The following KCTD21 variants were observed in gnomAD, a reference collection of about 807,000 sequenced individuals.
KCTD21 encodes the protein potassium channel tetramerization domain containing 21, also known as BTB/POZ domain-containing protein KCTD21.
In KCTD21, 9 loss-of-function variants were observed where a neutral mutation model predicts 13.2. The observed-to-expected ratio is 0.68, with a 90% CI of 0.41 to 1.19. The LOEUF is 1.19. KCTD21 is among the 50% of genes most tolerant of loss of function. KCTD21 has a pLI of 0.01. For synonymous variants in KCTD21, 142 were observed against 137.4 expected (o/e 1.03, Z -0.23); for missense variants, 303 against 336.5 (o/e 0.90, Z 0.78).
At position 78,174,028 on chromosome 11, in the gene KCTD21, CT is replaced by C. The variant is rs1862365127; in HGVS notation, c.526del (p.Ser176AlafsTer9). On this transcript the variant is annotated frameshift_variant, in exon 2 of 2. Transcript: ENST00000340067. LOFTEE classifies it high-confidence loss of function. Reference sequence around the variant, plus strand: ...CAGGTGGTTGGGGTCCTGCAAGTGGCTGGTGATGGAGGAGAGATTGCCATTG... The same window carrying C: ...CAGGTGGTTGGGGTCCTGCAAGTGGCGGTGATGGAGGAGAGATTGCCATTG... ...CSNGNLSSIT[S>X]HLQDPNHLTL... The C allele has an allele frequency of 1.9e-6, 3 of 1,614,026 alleles. No individual in the cohort carries two copies. The highest frequency in any genetic ancestry group is 3.3e-5 in the Admixed American group (2 of 60,000).
chr11:78,184,218 C>T (rs1277103740), intron 1 of KCTD21, among the ~76,000 whole-genome samples: 3 of 152,234 alleles, frequency 2.0e-5, no homozygotes, highest in Non-Finnish European at 4.4e-5. Flanking sequence ...AAGACCCTGA[C>T]ATCATATCCT....
chr11:78,182,533 A>C (rs1455216666), intron 1 of KCTD21, among the ~76,000 whole-genome samples: 3 of 152,216 alleles, frequency 2.0e-5, no homozygotes, highest in African/African-American at 7.2e-5. Flanking sequence ...TTTGGTAATA[A>C]ATGTGAAGAG....
At chr11:78,176,126 A>T (rs1862445413) in intron 1 of KCTD21, 2 of 152,118 alleles carry the variant, frequency 1.3e-5, no homozygotes, top group African/African-American at 4.8e-5. Flanking sequence ...TTCTTAATCC[A>T]GTCTATCATT....
intron 1 of KCTD21, among the ~76,000 whole-genome samples, chr11:78,184,112 A>T (rs749636785): frequency 1.2e-4 from 18 of 152,220 alleles, no homozygotes; most frequent in Non-Finnish European, 2.5e-4. Flanking sequence ...CACTTCACAG[A>T]TTACTTATTA....
intron 1 of KCTD21, among the ~76,000 whole-genome samples, chr11:78,180,166 A>G (rs1862574442): frequency 6.6e-6 from 1 of 152,238 alleles, no homozygotes; most frequent in Admixed American, 6.5e-5. Flanking sequence ...GATAGGACCT[A>G]AAAGGGACAA....
chr11:78,174,115 T>A lies in KCTD21; in HGVS notation c.440A>T (p.Asn147Ile). The change falls in exon 2 of 2, where the codon AAC becomes ATC. Residue 147 changes from asparagine to isoleucine, a missense_variant. By Grantham distance (149) the Asn-to-Ile change is moderately radical (BLOSUM62 -3). Coordinates refer to ENST00000340067, the MANE Select transcript of KCTD21 (RefSeq NM_001029859.3). Reference sequence around the variant, plus strand: ...GAAGAGGCAGGAGGTGCTGAAGATGTTGGCGTTGAAGACCTCCATGCTGGA... The same window carrying A: ...GAAGAGGCAGGAGGTGCTGAAGATGATGGCGTTGAAGACCTCCATGCTGGA... ...SSSSMEVFNA[N>I]IFSTSCLFLK... 4 of 1,614,130 alleles carry A rather than the reference T, an allele frequency of 2.5e-6. No homozygotes were observed. The highest frequency in any genetic ancestry group is 1.6e-4 in the Middle Eastern group (1 of 6,062).
In KCTD21 at chr11:78,174,470, G is replaced by C. The variant is rs1862385853; in HGVS notation, c.85C>G (p.Leu29Val). The C allele has an allele frequency of 6.2e-7, 1 of 1,614,144 alleles. No individual in the cohort carries two copies. Among genetic ancestry groups the C allele is most frequent in the Non-Finnish European group, 8.5e-7 (1 of 1,180,018 alleles). Reference sequence around the variant, plus strand: ...ATCTTCCCGCTGAACATGGCGCCTAGCATGGAGTCAGGGAAGCTGGTCAGG... The same window carrying C: ...ATCTTCCCGCTGAACATGGCGCCTACCATGGAGTCAGGGAAGCTGGTCAGG... The part of the protein sequence containing the change: ...ATLTSFPDSM[L>V]GAMFSGKMPT... Residue 29 changes from leucine to valine, a missense_variant, in exon 2 of 2, where the codon CTA becomes GTA. Transcript: ENST00000340067.
intron 1 of KCTD21, among the ~76,000 whole-genome samples, chr11:78,183,373 T>C (rs1164184742): frequency 6.6e-6 from 1 of 151,884 alleles, no homozygotes; most frequent in African/African-American, 2.4e-5. Context: ...CCATCTCTAC[T>C]AAAAATACAA....
At position 78,188,349 on chromosome 11, in the gene KCTD21, G is replaced by A. The variant is rs535810510; in HGVS notation, c.-30+224C>T. On this transcript the variant is annotated intron_variant, in intron 1 of 1. Transcript: ENST00000340067. ...TTTCCGACTATCACCATCCGCCCTT[G>A]CTCTCCCAACAGCCCCGCCCCTCTA... is the stretch of plus-strand genomic sequence containing the variant. 507 of 984,360 alleles carry A rather than the reference G, an allele frequency of 5.2e-4. 2 individuals are homozygous for A. In the African/African-American group the frequency reaches 8.3e-3, roughly 16 times the overall value. The allele number at this position is 984,360 out of a possible 1,614,324, so 61.0% of individuals were successfully genotyped here. A position where few individuals can be genotyped will look rare whatever the true frequency, so the allele number is the denominator to read the frequency against.
At chr11:78,181,060 T>A (rs1393389992) in intron 1 of KCTD21, among the ~76,000 whole-genome samples, 4 of 152,224 alleles carry the variant, frequency 2.6e-5, no homozygotes, top group African/African-American at 9.6e-5. Context: ...CGTGAGTCAA[T>A]TAAACCTCTT....
chr11:78,185,884 G>A (rs1035291689), intron 1 of KCTD21, among the ~76,000 whole-genome samples: 3 of 151,600 alleles, frequency 2.0e-5, no homozygotes, highest in Non-Finnish European at 4.4e-5. Context: ...GAGCCACCGC[G>A]CCCGGCCAGG....
intron 1 of KCTD21, among the ~76,000 whole-genome samples, chr11:78,179,931 C>T (rs1205131667): frequency 6.6e-6 from 1 of 152,230 alleles, no homozygotes; most frequent in African/African-American, 2.4e-5. Flanking sequence ...CAGCACCCAG[C>T]ATTCCACCTG....
chr11:78,186,641 TTCAATC>T (rs1862783797), intron 1 of KCTD21: 1 of 942,042 alleles, frequency 1.1e-6, no homozygotes. Context: ...GTTAATCTCT[TTCAATC>T]TCACAGATTA....
intron 1 of KCTD21, among the ~76,000 whole-genome samples, chr11:78,186,258 C>A (rs1862759727): frequency 6.6e-6 from 1 of 150,892 alleles, no homozygotes; most frequent in Non-Finnish European, 1.5e-5. Flanking sequence ...TGCTTGCAGT[C>A]CCAGCTGCAC....
rs1301155436 is a variant in KCTD21, at chr11:78,172,827, AAGGTGATCACTTGC to A, written c.*931_*944del. ...ATCAGCCAAGGTATGCAAGCAGGCC[AAGGTGATCACTTGC>A]AGGTACCCAGGGAGAGGCGCTCATC... On this transcript the variant is annotated 3_prime_UTR_variant, in exon 2 of 2. Transcript: ENST00000340067. 1.3e-5 allele frequency: 2 copies of A among 152,588 alleles called. No homozygotes were observed. Among genetic ancestry groups the A allele is most frequent in the Non-Finnish European group, 2.9e-5 (2 of 68,066 alleles). 9.5% of individuals were successfully genotyped at this position (152,588 alleles called of 1,614,324 possible).
intron 1 of KCTD21, among the ~76,000 whole-genome samples, chr11:78,179,885 T>G (rs1862564471): frequency 6.6e-6 from 1 of 152,160 alleles, no homozygotes; most frequent in Non-Finnish European, 1.5e-5. Context: ...AGCTCTCCTC[T>G]CAGGGCTTCC....
chr11:78,187,185 A>T, intron 1 of KCTD21: 20 of 985,388 alleles, frequency 2.0e-5, no homozygotes, highest in Non-Finnish European at 2.4e-5. Flanking sequence ...GTTTTCCAGT[A>T]AGTGGGAGAC....
chr11:78,173,713 A>G lies in KCTD21; in HGVS notation c.*59T>C, dbSNP rs2136988048. On this transcript the variant is annotated 3_prime_UTR_variant, in exon 2 of 2. Coordinates refer to ENST00000340067, the MANE Select transcript of KCTD21 (RefSeq NM_001029859.3). ...TCGCACCACTGGCGAGATGCCCTCC[A>G]AGACCTGGCTGACATGAGCTTCCTG... is the stretch of plus-strand genomic sequence containing the variant. 3.4e-6 allele frequency: 5 copies of G among 1,468,676 alleles called. No homozygotes were observed. The East Asian group carries it at 1.1e-4, about 33-fold the overall frequency. The allele number at this position is 1,468,676 out of a possible 1,614,324, so 91.0% of individuals were successfully genotyped here. A position where few individuals can be genotyped will look rare whatever the true frequency, so the allele number is the denominator to read the frequency against.
At chr11:78,186,615 T>G (rs1862782795) in intron 1 of KCTD21, 4 of 778,514 alleles carry the variant, frequency 5.1e-6, no homozygotes, top group Non-Finnish European at 6.2e-6. Flanking sequence ...ACTACCGTGC[T>G]AGGCACTCTA....
Sources: gnomAD v4.1 joint callset for allele counts (sites outside exome capture counted in the v4.1 genomes callset) on GRCh38, gnomAD v4.1.1 for gene constraint, MANE v1.5 for transcripts, NCBI Gene and HGNC (gene_info 2026-07-23, HGNC 2026-07-21) for gene names.